BCAS3: variants seen among roughly 807,000 people sequenced by gnomAD.
BCAS3 encodes the protein BCAS3 microtubule associated cell migration factor.
A neutral mutation model predicts 116.1 loss-of-function variants in BCAS3; 53 were observed. That is an observed-to-expected ratio of 0.46 (90% CI 0.37 to 0.57). The LOEUF is 0.57. BCAS3 is among the 20% of genes least tolerant of loss of function. BCAS3 has a pLI of 0.00. For synonymous variants in BCAS3, 391 were observed against 408.2 expected, an observed-to-expected ratio of 0.96 and a Z score of 0.51; for missense variants, 917 against 1,165.4, an observed-to-expected ratio of 0.79 and a Z score of 3.10.
chr17:60,749,626 G>C (rs1422037854), intron 6 of BCAS3, among the ~76,000 whole-genome samples: 4 of 151,932 alleles, frequency 2.6e-5, no homozygotes, highest in Admixed American at 2.0e-4. Flanking sequence ...CTTTTTTTGA[G>C]ATAGTTCCAG....
chr17:60,972,309 C>T (rs73322753), intron 14 of BCAS3, among the ~76,000 whole-genome samples: 3 of 152,052 alleles, frequency 2.0e-5, no homozygotes, highest in African/African-American at 4.8e-5. Context: ...CATGGACTAG[C>T]GTTTTTAATG....
At position 61,098,626 on chromosome 17, in the gene BCAS3, C is replaced by T. The variant is rs182074170; in HGVS notation, c.2425+14062C>T. Reference sequence around the variant, plus strand: ...AAGTGGTATGCTGCAAAAAGGAATTCGGTTAGCAGATTTTATGGCATCCAT... The same window carrying T: ...AAGTGGTATGCTGCAAAAAGGAATTTGGTTAGCAGATTTTATGGCATCCAT... On this transcript the variant is annotated intron_variant, in intron 22 of 23. Transcript: ENST00000407086. The surrounding 1 kb of genome is among the most constrained non-coding windows in gnomAD (Gnocchi z 4.2). Among the ~76,000 whole-genome samples, 187 of 152,180 alleles carry T rather than the reference C, an allele frequency of 1.2e-3. 1 individual carries two copies. Among genetic ancestry groups the T allele is most frequent in the African/African-American group, 3.6e-3 (151 of 41,534 alleles).
rs1437441765 is a variant in BCAS3 at position 61,105,715 on chromosome 17, C to T, written c.2425+21151C>T. 6.6e-6 allele frequency among the ~76,000 whole-genome samples: 1 copy of T among 152,030 alleles called. No individual in the cohort carries two copies. The highest frequency in any genetic ancestry group is 2.4e-5 in the African/African-American group (1 of 41,400). ...GTGCTGGGATTACAGGTGTGAGCCACTGTGCCCGGCCTAAACCCACAGAAT... is the reference window on the plus strand; with the variant it reads ...GTGCTGGGATTACAGGTGTGAGCCATTGTGCCCGGCCTAAACCCACAGAAT... On this transcript the variant is annotated intron_variant, in intron 22 of 23. Transcript: ENST00000407086. This position sits in a 1 kb window ranked among gnomAD's most constrained non-coding sequence, Gnocchi z 4.3.
In BCAS3 at chr17:61,032,247, A is replaced by G. The variant is rs1428338573; in HGVS notation, c.1638-2419A>G. On this transcript the variant is annotated intron_variant, in intron 16 of 23. Transcript: ENST00000407086. The surrounding 1 kb of genome is among the most constrained non-coding windows in gnomAD (Gnocchi z 4.6). ...ACATGATTTAAAAACAACAACAATG[A>G]CATCCAGTAATTTGCAAAGAGCTTT... Among the ~76,000 whole-genome samples, 1 of 152,138 alleles carries G rather than the reference A, an allele frequency of 6.6e-6. No homozygotes were observed.
At chr17:60,842,117 ATACT>A (rs1400233961) in intron 7 of BCAS3, among the ~76,000 whole-genome samples, 1 of 152,356 alleles carries the variant, frequency 6.6e-6, no homozygotes, top group East Asian at 1.9e-4. Context: ...ATTGTAAAAC[ATACT>A]TTAATAAATA....
chr17:61,166,255 T>G (rs1432416423), intron 22 of BCAS3, among the ~76,000 whole-genome samples: 1 of 152,196 alleles, frequency 6.6e-6, no homozygotes, highest in Non-Finnish European at 1.5e-5. Flanking sequence ...TTCATCACGG[T>G]CTTCCCTCCA....
At chr17:60,767,413 C>T (rs894342997) in intron 6 of BCAS3, among the ~76,000 whole-genome samples, 3 of 141,780 alleles carry the variant, frequency 2.1e-5, no homozygotes, top group Admixed American at 7.4e-5. Flanking sequence ...GGCGTGATCT[C>T]GGCTCACTGC....
chr17:60,964,956 T>C lies in BCAS3; in HGVS notation c.1221+17604T>C, dbSNP rs779469480. On this transcript the variant is annotated intron_variant, in intron 14 of 23. Transcript: ENST00000407086. The surrounding 1 kb of genome is among the most constrained non-coding windows in gnomAD (Gnocchi z 4.6). ...TTTTTTCTTAGTCTAGCTCAAGACT[T>C]GTTGATTTTGTTTACATTTTTGAAA... 6.6e-6 allele frequency among the ~76,000 whole-genome samples: 1 copy of C among 152,128 alleles called. No individual in the cohort carries two copies. The highest frequency in any genetic ancestry group is 1.5e-5 in the Non-Finnish European group (1 of 68,012).
In BCAS3 at chr17:61,246,471, GAAAAAAAAAAAA is replaced by G. The variant is rs1007852809; in HGVS notation, c.2426-121841_2426-121830del. ...TGGGTAACAGAGCAAGACTGTCTCAGAAAAAAAAAAAAAAAAAAAAAAAAAAGATTTATGTTG... is the reference window on the plus strand; with the variant it reads ...TGGGTAACAGAGCAAGACTGTCTCAGAAAAAAAAAAAAAAGATTTATGTTG... On this transcript the variant is annotated intron_variant, in intron 22 of 23. Coordinates refer to ENST00000407086, the MANE Select transcript of BCAS3 (RefSeq NM_017679.5). Among the ~76,000 whole-genome samples the G allele has an allele frequency of 3.9e-4, 13 of 33,476 alleles. No homozygotes were observed. The South Asian group carries it at 4.5e-3, about 11-fold the overall frequency. 22.0% of individuals were successfully genotyped at this position (33,476 alleles called of 152,430 possible).
At chr17:60,939,422 A>G (rs981227150) in intron 13 of BCAS3, among the ~76,000 whole-genome samples, 3 of 151,890 alleles carry the variant, frequency 2.0e-5, no homozygotes, top group African/African-American at 4.8e-5. Flanking sequence ...ACAGATCAAG[A>G]CTCCATCTCA....
At chr17:60,932,449 A>T (rs1407281791) in intron 13 of BCAS3, among the ~76,000 whole-genome samples, 5 of 152,204 alleles carry the variant, frequency 3.3e-5, no homozygotes, top group Admixed American at 6.5e-5. Context: ...TGGTTTGAAT[A>T]AGAATTGTCT....
chr17:60,808,153 A>G (rs1434629989), intron 7 of BCAS3, 77 bp downstream of exon 7: 3 of 1,015,330 alleles, frequency 3.0e-6, no homozygotes, highest in South Asian at 1.4e-5. Flanking sequence ...TTGATGTTAT[A>G]AAACCTTTGT....
intron 6 of BCAS3, among the ~76,000 whole-genome samples, chr17:60,802,947 T>C (rs1204181271): frequency 1.3e-5 from 2 of 152,038 alleles, no homozygotes; most frequent in Non-Finnish European, 2.9e-5. Flanking sequence ...TATTGTGAGG[T>C]GCTTTGGTTG....
rs1033099088 is a variant in BCAS3, at chr17:61,084,243, A to C, written c.2328-224A>C. Among the ~76,000 whole-genome samples, 5 of 152,192 alleles carry C rather than the reference A, an allele frequency of 3.3e-5. No homozygotes were observed. The highest frequency in any genetic ancestry group is 1.2e-4 in the African/African-American group (5 of 41,424). Reference sequence around the variant, plus strand: ...CCCTTCCTTAAAAATCTATGGAATAACACACAAAGATAAGTTAGAAGGGGT... The same window carrying C: ...CCCTTCCTTAAAAATCTATGGAATACCACACAAAGATAAGTTAGAAGGGGT... On this transcript the variant is annotated intron_variant, in intron 21 of 23. Coordinates refer to ENST00000407086, the MANE Select transcript of BCAS3 (RefSeq NM_017679.5). This position sits in a 1 kb window ranked among gnomAD's most constrained non-coding sequence, Gnocchi z 5.5.
intron 5 of BCAS3, among the ~76,000 whole-genome samples, chr17:60,710,586 C>T (rs574414082): frequency 3.6e-4 from 54 of 152,048 alleles, no homozygotes; most frequent in East Asian, 2.5e-3. Context: ...CGCCCGCCAC[C>T]ACGCCTGGCT....
chr17:60,862,042 G>T (rs1031976995), intron 7 of BCAS3, among the ~76,000 whole-genome samples: 5 of 152,190 alleles, frequency 3.3e-5, no homozygotes, highest in African/African-American at 1.2e-4. Flanking sequence ...CCAGCACTTC[G>T]GGAGGCCGAG....
In BCAS3 at chr17:60,805,546, G is replaced by A. The variant is rs548428354; in HGVS notation, c.404-2458G>A. On this transcript the variant is annotated intron_variant, in intron 6 of 23. Transcript: ENST00000407086. ...GGAAATGAAGACTTAAGGAAGTGGC[G>A]GCTGGGCGCGGTGGCTCACGCCTGT... is the stretch of plus-strand genomic sequence containing the variant. Among the ~76,000 whole-genome samples, 12 of 152,218 alleles carry A rather than the reference G, an allele frequency of 7.9e-5. No individual in the cohort carries two copies. In the South Asian group the frequency reaches 1.9e-3, roughly 24 times the overall value.
intron 22 of BCAS3, among the ~76,000 whole-genome samples, chr17:61,298,356 T>TC (rs1249325998): frequency 6.6e-6 from 1 of 151,606 alleles, no homozygotes; most frequent in Non-Finnish European, 1.5e-5. Flanking sequence ...AAATCAGCTG[T>TC]CCCCCCAGGC....
At chr17:61,030,336 C>A (rs1267356948) in intron 16 of BCAS3, among the ~76,000 whole-genome samples, 1 of 152,000 alleles carries the variant, frequency 6.6e-6, no homozygotes, top group Non-Finnish European at 1.5e-5. Context: ...AGATGGAGAT[C>A]ATTGTCCTGT....
Sources: gnomAD v4.1 joint callset for allele counts (sites outside exome capture counted in the v4.1 genomes callset) on GRCh38, gnomAD v4.1.1 for gene constraint, Gnocchi (gnomAD v3.1) non-coding constraint, MANE v1.5 for transcripts, NCBI Gene and HGNC (gene_info 2026-07-23, HGNC 2026-07-21) for gene names.